Variants in PARP8 observed in about 807,000 individuals in gnomAD.
PARP8 encodes protein mono-ADP-ribosyltransferase PARP8.
PARP8 carries 51 observed loss-of-function variants against 124.1 expected under a neutral mutation model. The ratio of observed to expected loss-of-function variants is 0.41; its 90% confidence interval spans 0.33 to 0.52. PARP8 has a LOEUF of 0.52. Ranked by LOEUF, PARP8 falls within the 20% of genes least tolerant of loss-of-function variation. PARP8 has a pLI of 0.21. For synonymous variants in PARP8, 391 were observed against 361.5 expected, an observed-to-expected ratio of 1.08 and a Z score of -0.93; for missense variants, 860 against 1,018.9, an observed-to-expected ratio of 0.84 and a Z score of 2.12.
intron 7 of PARP8, among the ~76,000 whole-genome samples, chr5:50,774,728 C>T (rs1303401273): frequency 5.9e-5 from 7 of 119,188 alleles, no homozygotes; most frequent in Admixed American, 2.9e-4. Context: ...GGCAGAGGCA[C>T]TCCTCATTTC....
At chr5:50,693,836 T>C (rs114635694) in intron 2 of PARP8, among the ~76,000 whole-genome samples, 2,076 of 151,454 alleles carry the variant, frequency 0.014, 56 homozygotes, top group African/African-American at 0.048. Context: ...AATTATTAAT[T>C]TATATTAATT....
intron 25 of PARP8, among the ~76,000 whole-genome samples, chr5:50,836,934 C>T (rs1285869801): frequency 6.6e-6 from 1 of 152,108 alleles, no homozygotes; most frequent in Non-Finnish European, 1.5e-5. Context: ...ACTCCTTCTG[C>T]ATCTTGCTAA....
intron 5 of PARP8, 152 bp from the exon 6 acceptor site, chr5:50,761,669 C>T (rs1760559905): frequency 4.3e-6 from 2 of 470,362 alleles, no homozygotes; most frequent in South Asian, 5.8e-5. Flanking sequence ...TTGTCTCCCA[C>T]TACCTTTTGT....
In PARP8 at chr5:50,737,978, A is replaced by G. The variant is rs1404983792; in HGVS notation, c.147-12173A>G. Reference sequence around the variant, plus strand: ...ATACTTTACACAATCTTATGAGAACAAAACATGTTCTGAAAGCTTAATGAA... The same window carrying G: ...ATACTTTACACAATCTTATGAGAACGAAACATGTTCTGAAAGCTTAATGAA... On this transcript the variant is annotated intron_variant, in intron 2 of 25. Transcript: ENST00000281631. Among the ~76,000 whole-genome samples, 3 of 152,232 alleles carry G rather than the reference A, an allele frequency of 2.0e-5. No individual in the cohort carries two copies. In the East Asian group the frequency reaches 5.8e-4, roughly 29 times the overall value.
intron 2 of PARP8, among the ~76,000 whole-genome samples, chr5:50,673,758 T>C (rs1750307493): frequency 6.6e-6 from 1 of 152,234 alleles, no homozygotes; most frequent in South Asian, 2.1e-4. Flanking sequence ...GTGCTAACCA[T>C]AATAGTTGGA....
intron 7 of PARP8, among the ~76,000 whole-genome samples, chr5:50,770,255 T>C (rs1761468517): frequency 6.6e-6 from 1 of 152,180 alleles, no homozygotes; most frequent in Admixed American, 6.5e-5. Context: ...TTGAATATAT[T>C]TGTTATTATT....
At chr5:50,805,564 G>T (rs778110530) in intron 14 of PARP8, among the ~76,000 whole-genome samples, 5 of 151,986 alleles carry the variant, frequency 3.3e-5, no homozygotes, top group Non-Finnish European at 5.9e-5. Context: ...TAAGTAGAAG[G>T]CACCATGCTA....
intron 2 of PARP8, among the ~76,000 whole-genome samples, chr5:50,731,488 T>G (rs1418736800): frequency 6.6e-6 from 1 of 152,148 alleles, no homozygotes; most frequent in Non-Finnish European, 1.5e-5. Context: ...TAAATTTATT[T>G]ATATGCTAAA....
intron 2 of PARP8, among the ~76,000 whole-genome samples, chr5:50,707,065 TTA>T (rs1331930593): frequency 6.6e-6 from 1 of 152,084 alleles, no homozygotes; most frequent in Non-Finnish European, 1.5e-5. Context: ...TTGCATATAT[TTA>T]TGTAGCTCAC....
chr5:50,768,933 C>T (rs1255666468), intron 7 of PARP8, among the ~76,000 whole-genome samples: 2 of 133,834 alleles, frequency 1.5e-5, no homozygotes, highest in Admixed American at 7.4e-5. Flanking sequence ...ATCTGGCATA[C>T]AAAGAAAAAA....
intron 7 of PARP8, among the ~76,000 whole-genome samples, chr5:50,772,742 G>T (rs1479402334): frequency 2.0e-5 from 3 of 151,948 alleles, no homozygotes; most frequent in Non-Finnish European, 4.4e-5. Flanking sequence ...TGTCACCCAG[G>T]CTGGAGTGCA....
intron 2 of PARP8, among the ~76,000 whole-genome samples, chr5:50,704,744 T>C (rs111781909): frequency 1.3e-5 from 2 of 152,236 alleles, no homozygotes; most frequent in Non-Finnish European, 2.9e-5. Flanking sequence ...TTATTAAAAC[T>C]GATTTCATCT....
At chr5:50,810,921 A>G (rs1744366296) in intron 14 of PARP8, among the ~76,000 whole-genome samples, 1 of 152,074 alleles carries the variant, frequency 6.6e-6, no homozygotes, top group African/African-American at 2.4e-5. Flanking sequence ...GCTGTGTTAA[A>G]AAGGAAAGAT....
At chr5:50,740,998 A>T (rs1274003576) in intron 2 of PARP8, among the ~76,000 whole-genome samples, 2 of 152,100 alleles carry the variant, frequency 1.3e-5, no homozygotes, top group Non-Finnish European at 2.9e-5. Flanking sequence ...CTATAGAGTT[A>T]TTCAGTCGTA....
chr5:50,805,900 C>G (rs1743786379), intron 14 of PARP8, among the ~76,000 whole-genome samples: 1 of 151,998 alleles, frequency 6.6e-6, no homozygotes, highest in South Asian at 2.1e-4. Context: ...CCATTTGTTA[C>G]AGAGAAATGT....
chr5:50,744,685 G>T, intron 2 of PARP8: 2 of 691,154 alleles, frequency 2.9e-6, no homozygotes, highest in African/African-American at 1.8e-5. Flanking sequence ...GTAATTAATT[G>T]TAAGTCAGCA....
chr5:50,717,173 A>G (rs553454257), intron 2 of PARP8, among the ~76,000 whole-genome samples: 5 of 152,176 alleles, frequency 3.3e-5, no homozygotes, highest in East Asian at 3.9e-4. Context: ...CTCTGCATGC[A>G]ATGAATTATT....
At chr5:50,762,392 A>G (rs1208978814) in intron 6 of PARP8, among the ~76,000 whole-genome samples, 3 of 152,144 alleles carry the variant, frequency 2.0e-5, no homozygotes, top group African/African-American at 7.2e-5. Flanking sequence ...TAATTTAAAT[A>G]TATGAGAATA....
intron 25 of PARP8, among the ~76,000 whole-genome samples, chr5:50,838,388 A>C (rs932601966): frequency 6.6e-6 from 1 of 152,018 alleles, no homozygotes; most frequent in Non-Finnish European, 1.5e-5. Context: ...CCCTGCTTCT[A>C]CTTTCTTCAT....
Sources: gnomAD v4.1 joint callset for allele counts (sites outside exome capture counted in the v4.1 genomes callset) on GRCh38, gnomAD v4.1.1 for gene constraint, MANE v1.5 for transcripts, NCBI Gene and HGNC (gene_info 2026-07-23, HGNC 2026-07-21) for gene names.